COL28A1: variants seen among roughly 807,000 people sequenced by gnomAD.
COL28A1 encodes the protein collagen alpha-1(XXVIII) chain.
A neutral mutation model predicts 150.2 loss-of-function variants in COL28A1; 161 were observed. That is an observed-to-expected ratio of 1.07 (90% CI 0.94 to 1.22). The LOEUF (loss-of-function observed/expected upper bound fraction) is 1.22. COL28A1 is among the 50% of genes most tolerant of loss of function. The pLI is 0.00. For missense variants in COL28A1, 1,617 were observed against 1,388.3 expected, an observed-to-expected ratio of 1.16 and a Z score of -2.62; for synonymous variants, 552 against 469.7, an observed-to-expected ratio of 1.18 and a Z score of -2.26.
At chr7:7,359,149 G>C (rs1394844547) in intron 34 of COL28A1, among the ~76,000 whole-genome samples, 1 of 152,048 alleles carries the variant, frequency 6.6e-6, no homozygotes, top group African/African-American at 2.4e-5. Flanking sequence ...CATTTACACT[G>C]GATTTGATTT....
At chr7:7,479,048 G>A (rs1316948304) in intron 13 of COL28A1, among the ~76,000 whole-genome samples, 2 of 152,252 alleles carry the variant, frequency 1.3e-5, no homozygotes, top group African/African-American at 4.8e-5. Flanking sequence ...CCGAGGCTGA[G>A]GAGGCGCCAA....
At chr7:7,350,076 G>A in the COL28A1 span, among the ~76,000 whole-genome samples, 12 of 152,062 alleles carry the variant, frequency 7.9e-5, no homozygotes, top group Non-Finnish European at 1.6e-4. Flanking sequence ...GGCCCTTAAC[G>A]CATTTGAAGG....
Position 7,358,463 on chromosome 7 carries a change from T to C in COL28A1, c.*170A>G, listed in dbSNP as rs1370507652. Reference sequence around the variant, plus strand: ...CTCAGAGCCTCAGCTTTCTTACCTATATAAGTGGTTAATAATATGTACATC... The same window carrying C: ...CTCAGAGCCTCAGCTTTCTTACCTACATAAGTGGTTAATAATATGTACATC... On this transcript the variant is annotated 3_prime_UTR_variant, in exon 35 of 35. Transcript: ENST00000399429. 2.3e-5 allele frequency: 13 copies of C among 570,172 alleles called. No homozygotes were observed. Among genetic ancestry groups the C allele is most frequent in the Non-Finnish European group, 3.5e-5 (12 of 340,144 alleles). 35.3% of individuals were successfully genotyped at this position (570,172 alleles called of 1,614,324 possible).
At chr7:7,440,953 C>G in intron 20 of COL28A1, 92 bp from the exon 21 acceptor site, 1 of 675,210 alleles carries the variant, frequency 1.5e-6, no homozygotes, top group South Asian at 1.9e-5. Context: ...GGATTCTCGA[C>G]TAATACCAAT....
intron 11 of COL28A1, among the ~76,000 whole-genome samples, chr7:7,492,328 C>T (rs1201982359): frequency 6.6e-6 from 1 of 151,624 alleles, no homozygotes; most frequent in African/African-American, 2.4e-5. Flanking sequence ...AATCCCAGCA[C>T]TTTGGGAGGC....
intron 15 of COL28A1, among the ~76,000 whole-genome samples, chr7:7,456,665 A>T (rs1787196199): frequency 6.6e-6 from 1 of 152,206 alleles, no homozygotes; most frequent in Non-Finnish European, 1.5e-5. Flanking sequence ...AACATAATTC[A>T]TTCTTTCTGT....
chr7:7,427,520 G>A (rs2128311742), intron 25 of COL28A1, among the ~76,000 whole-genome samples: 1 of 152,268 alleles, frequency 6.6e-6, no homozygotes, highest in African/African-American at 2.4e-5. Flanking sequence ...ATGCATCTCT[G>A]TGTGAATCGG....
At chr7:7,378,089 G>A (rs1201489470) in intron 30 of COL28A1, among the ~76,000 whole-genome samples, 1 of 152,094 alleles carries the variant, frequency 6.6e-6, no homozygotes, top group African/African-American at 2.4e-5. Context: ...ACCTAGAGAT[G>A]TCCACGGGCA....
rs1781390229 is a variant in COL28A1, at chr7:7,373,977, G to C, written c.2360-431C>G. 3.4e-5 allele frequency among the ~76,000 whole-genome samples: 5 copies of C among 147,442 alleles called. No individual in the cohort carries two copies. Among genetic ancestry groups the C allele is most frequent in the Admixed American group, 3.4e-4 (5 of 14,836 alleles). ...GCCTCCCAAAGTGCTGGGATTACAG[G>C]CGTGAGCCACCGCGCCCGGCCCCTT... On this transcript the variant is annotated intron_variant, in intron 31 of 34. Coordinates refer to ENST00000399429, the MANE Select transcript of COL28A1 (RefSeq NM_001037763.3). The surrounding 1 kb of genome is among the most constrained non-coding windows in gnomAD (Gnocchi z 4.1).
upstream of COL28A1, among the ~76,000 whole-genome samples, chr7:7,540,736 G>A (rs1324494045): frequency 6.6e-6 from 1 of 152,098 alleles, no homozygotes; most frequent in Non-Finnish European, 1.5e-5. Flanking sequence ...AATCATCATG[G>A]GCTAAGTCCC....
At chr7:7,372,925 G>A in intron 32 of COL28A1, 73 bp downstream of exon 32, 1 of 1,343,164 alleles carries the variant, frequency 7.4e-7, no homozygotes, top group South Asian at 1.4e-5. Context: ...TATTTGGTCA[G>A]GACAAACCAG....
At position 7,440,844 on chromosome 7, in the gene COL28A1, T is replaced by C. The variant is rs1351844463; in HGVS notation, c.1668A>G (p.Lys556=). Residue 556 remains lysine (K), a synonymous_variant, in exon 21 of 35, where the codon AAA becomes AAG. Transcript: ENST00000399429. ...QPGPKGDEGK[K]GSKGNQGQRG... ...TCTGTCCTTGATTTCCTTTGCTCCC[T>C]TTCTTGCCTTCGTCACCCTAACAAA... 2 of 1,537,238 alleles carry C rather than the reference T, an allele frequency of 1.3e-6. No homozygotes were observed. Among genetic ancestry groups the C allele is most frequent in the African/African-American group, 2.7e-5 (2 of 73,574 alleles).
chr7:7,510,466 G>A lies in COL28A1; in HGVS notation c.927+625C>T, dbSNP rs34330034. The stretch of plus-strand genomic sequence containing the variant: ...TGCCTGGCTAATTTTTGTATTTTTA[G>A]TAGAGATGGTGTTTCACCGTATTGG... On this transcript the variant is annotated intron_variant, in intron 9 of 34. Coordinates refer to ENST00000399429, the MANE Select transcript of COL28A1 (RefSeq NM_001037763.3). Among the ~76,000 whole-genome samples, 701 of 152,298 alleles carry A rather than the reference G, an allele frequency of 4.6e-3. 5 individuals are homozygous for A. Among genetic ancestry groups the A allele is most frequent in the East Asian group, 0.022 (115 of 5,184 alleles).
At chr7:7,442,626 A>C (rs1785900681) in intron 20 of COL28A1, among the ~76,000 whole-genome samples, 1 of 152,256 alleles carries the variant, frequency 6.6e-6, no homozygotes, top group African/African-American at 2.4e-5. Flanking sequence ...ACAAGACATC[A>C]ATTACTATTT....
At chr7:7,387,581 A>G (rs896603223) in intron 27 of COL28A1, among the ~76,000 whole-genome samples, 3 of 151,460 alleles carry the variant, frequency 2.0e-5, no homozygotes, top group African/African-American at 7.4e-5. Flanking sequence ...CAGAAAAATA[A>G]TATGACACAG....
At chr7:7,542,628 C>A in the COL28A1 span, among the ~76,000 whole-genome samples, 1 of 152,208 alleles carries the variant, frequency 6.6e-6, no homozygotes, top group Non-Finnish European at 1.5e-5. Flanking sequence ...AGAGGATAAA[C>A]AGTGGTTTCT....
downstream of COL28A1, chr7:7,356,150 T>C (rs769079108): frequency 6.7e-6 from 1 of 149,942 alleles, no homozygotes; most frequent in South Asian, 2.1e-4. Context: ...AGTTATACCA[T>C]TGAATGAAAA....
intron 33 of COL28A1, among the ~76,000 whole-genome samples, chr7:7,364,118 C>A (rs1463065729): frequency 1.3e-5 from 2 of 152,176 alleles, no homozygotes; most frequent in Non-Finnish European, 2.9e-5. Context: ...CCAGTCAGTA[C>A]TGATTCTCCC....
intron 8 of COL28A1, among the ~76,000 whole-genome samples, chr7:7,513,851 A>G (rs1000096263): frequency 2.6e-5 from 4 of 152,218 alleles, no homozygotes; most frequent in African/African-American, 9.7e-5. Flanking sequence ...TTGCCTCTGC[A>G]AAGGCGTTTT....
Sources: gnomAD v4.1 joint callset for allele counts (sites outside exome capture counted in the v4.1 genomes callset) on GRCh38, gnomAD v4.1.1 for gene constraint, Gnocchi (gnomAD v3.1) non-coding constraint, MANE v1.5 for transcripts, NCBI Gene and HGNC (gene_info 2026-07-23, HGNC 2026-07-21) for gene names.